BCAS3: variants seen among roughly 807,000 people sequenced by gnomAD.
The protein encoded by BCAS3 is BCAS3 microtubule associated cell migration factor.
A neutral mutation model predicts 116.1 loss-of-function variants in BCAS3; 53 were observed. The ratio of observed to expected loss-of-function variants is 0.46; its 90% CI spans 0.37 to 0.57. The LOEUF (loss-of-function observed/expected upper bound fraction) is 0.57. BCAS3 is among the 20% of genes least tolerant of loss of function. BCAS3 has a pLI of 0.00. For missense variants in BCAS3, 917 were observed against 1,165.4 expected, an observed-to-expected ratio of 0.79 and a Z score of 3.10; for synonymous variants, 391 against 408.2, an observed-to-expected ratio of 0.96 and a Z score of 0.51.
chr17:61,329,563 G>A (rs1241845987), intron 22 of BCAS3, among the ~76,000 whole-genome samples: 1 of 151,384 alleles, frequency 6.6e-6, no homozygotes, highest in Non-Finnish European at 1.5e-5. Context: ...GGATGGTCTC[G>A]ATCTCCTGAT....
At position 61,361,315 on chromosome 17, in the gene BCAS3, A is replaced by AT. The variant is rs148243820; in HGVS notation, c.2426-7010dup. ...CTATGTTCTAAGCTTTAAAGTGTGC[A>AT]TTATGCAATTGCATATTTTGCAGTT... On this transcript the variant is annotated intron_variant, in intron 22 of 23. Transcript: ENST00000407086. This position sits in a 1 kb window ranked among gnomAD's most constrained non-coding sequence, Gnocchi z 6.5. Among the ~76,000 whole-genome samples, 2,248 of 152,280 alleles carry AT rather than the reference A, an allele frequency of 0.015. 57 individuals are homozygous for AT. The highest frequency in any genetic ancestry group is 0.051 in the African/African-American group (2,114 of 41,554).
At chr17:61,074,793 G>T in intron 19 of BCAS3, 127 bp from the exon 20 acceptor site, 1 of 462,856 alleles carries the variant, frequency 2.2e-6, no homozygotes, top group Non-Finnish European at 3.8e-6. Context: ...TGTTTGAATT[G>T]CCTTTTTGCT....
chr17:60,716,885 T>C (rs2038675704), intron 5 of BCAS3, among the ~76,000 whole-genome samples: 1 of 152,218 alleles, frequency 6.6e-6, no homozygotes, highest in African/African-American at 2.4e-5. Flanking sequence ...CAAAGATTTA[T>C]TAATTGTCTA....
intron 22 of BCAS3, among the ~76,000 whole-genome samples, chr17:61,184,743 T>A (rs1409407142): frequency 2.0e-5 from 3 of 152,180 alleles, no homozygotes; most frequent in African/African-American, 7.2e-5. Flanking sequence ...AGACAAATCA[T>A]GTTACCTCCC....
intron 6 of BCAS3, among the ~76,000 whole-genome samples, chr17:60,776,956 G>A (rs181364244): frequency 4.0e-5 from 6 of 150,428 alleles, no homozygotes; most frequent in Non-Finnish European, 5.9e-5. Context: ...CGGAGGTTGC[G>A]GTGAGCTGAG....
rs1002483586 is a variant in BCAS3, at chr17:61,131,257, G to A, written c.2425+46693G>A. On this transcript the variant is annotated intron_variant, in intron 22 of 23. Transcript: ENST00000407086. This position sits in a 1 kb window ranked among gnomAD's most constrained non-coding sequence, Gnocchi z 4.4. ...AAGTAAAATAACAAAAATAACACTC[G>A]TATCATAGACATTAGAGAGTTCTTA... is the stretch of plus-strand genomic sequence containing the variant. Among the ~76,000 whole-genome samples the A allele has an allele frequency of 3.3e-5, 5 of 152,018 alleles. No individual in the cohort carries two copies. Among genetic ancestry groups the A allele is most frequent in the African/African-American group, 9.7e-5 (4 of 41,388 alleles).
intron 6 of BCAS3, among the ~76,000 whole-genome samples, chr17:60,767,187 C>T (rs1314408896): frequency 1.3e-5 from 2 of 152,278 alleles, no homozygotes; most frequent in Admixed American, 1.3e-4. Flanking sequence ...TCGGCTCGCC[C>T]TCCGTGGGCT....
intron 22 of BCAS3, among the ~76,000 whole-genome samples, chr17:61,163,837 T>C (rs2078313175): frequency 6.6e-6 from 1 of 151,580 alleles, no homozygotes; most frequent in Non-Finnish European, 1.5e-5. Flanking sequence ...AAATACAAAA[T>C]TAGCCAGGCA....
Position 61,244,612 on chromosome 17 carries a change from C to T in BCAS3, c.2426-123715C>T, listed in dbSNP as rs1043972326. Among the ~76,000 whole-genome samples, 3 of 152,032 alleles carry T rather than the reference C, an allele frequency of 2.0e-5. No individual in the cohort carries two copies. Among genetic ancestry groups the T allele is most frequent in the Non-Finnish European group, 2.9e-5 (2 of 68,006 alleles). ...GGCGCGGTGGCTCATGCCTGTAATCCCAGCACTTTGGGAGGCCAAAGCGGG... is the reference window on the plus strand; with the variant it reads ...GGCGCGGTGGCTCATGCCTGTAATCTCAGCACTTTGGGAGGCCAAAGCGGG... On this transcript the variant is annotated intron_variant, in intron 22 of 23. Coordinates refer to ENST00000407086, the MANE Select transcript of BCAS3 (RefSeq NM_017679.5). This position sits in a 1 kb window ranked among gnomAD's most constrained non-coding sequence, Gnocchi z 4.9.
chr17:61,309,973 C>T lies in BCAS3; in HGVS notation c.2426-58354C>T, dbSNP rs1012271115. Among the ~76,000 whole-genome samples, 16 of 152,176 alleles carry T rather than the reference C, an allele frequency of 1.1e-4. No homozygotes were observed. The highest frequency in any genetic ancestry group is 2.6e-4 in the Admixed American group (4 of 15,280). On this transcript the variant is annotated intron_variant, in intron 22 of 23. Transcript: ENST00000407086. The surrounding 1 kb of genome is among the most constrained non-coding windows in gnomAD (Gnocchi z 4.6). ...CCTTTGAAAAACTACAGCATTTAGGCTACCAGGTTGTGTTTCCTTAATAGG... is the reference window on the plus strand; with the variant it reads ...CCTTTGAAAAACTACAGCATTTAGGTTACCAGGTTGTGTTTCCTTAATAGG...
intron 7 of BCAS3, chr17:60,851,570 C>A: frequency 1.6e-6 from 1 of 622,106 alleles, no homozygotes; most frequent in South Asian, 1.7e-5. Context: ...AATTTCTACC[C>A]AAAACTTGGG....
At chr17:60,880,434 G>C (rs571620406) in intron 9 of BCAS3, among the ~76,000 whole-genome samples, 17 of 152,196 alleles carry the variant, frequency 1.1e-4, no homozygotes, top group Admixed American at 4.6e-4. Flanking sequence ...GATTACAGGC[G>C]CATGCCACCA....
chr17:60,870,419 A>G (rs2055001152), intron 8 of BCAS3, among the ~76,000 whole-genome samples: 1 of 152,190 alleles, frequency 6.6e-6, no homozygotes, highest in South Asian at 2.1e-4. Flanking sequence ...TTAAAGCACT[A>G]AGGGATCAAA....
intron 6 of BCAS3, among the ~76,000 whole-genome samples, chr17:60,787,729 G>A (rs919941256): frequency 2.0e-5 from 3 of 152,074 alleles, no homozygotes; most frequent in African/African-American, 7.2e-5. Context: ...TATACAAGTG[G>A]ACTATGCAGA....
rs1231201967 is a variant in BCAS3, at chr17:60,995,892, G to C, written c.1486+5657G>C. 6.6e-6 allele frequency among the ~76,000 whole-genome samples: 1 copy of C among 152,122 alleles called. No individual in the cohort carries two copies. The highest frequency in any genetic ancestry group is 1.5e-5 in the Non-Finnish European group (1 of 68,026). On this transcript the variant is annotated intron_variant, in intron 15 of 23. Transcript: ENST00000407086. This position sits in a 1 kb window ranked among gnomAD's most constrained non-coding sequence, Gnocchi z 4.7. The stretch of plus-strand genomic sequence containing the variant: ...AGGGGAATAGGGAATGCCTAGGGAG[G>C]ATTGCAATTTGAAATTAGTATGCTT...
At chr17:61,272,141 C>T (rs903506591) in intron 22 of BCAS3, among the ~76,000 whole-genome samples, 2 of 152,102 alleles carry the variant, frequency 1.3e-5, no homozygotes, top group Non-Finnish European at 2.9e-5. Context: ...CATCAAATTA[C>T]GTTTTAAAGA....
At chr17:60,915,294 A>T (rs1599654132) in intron 12 of BCAS3, among the ~76,000 whole-genome samples, 1 of 151,932 alleles carries the variant, frequency 6.6e-6, no homozygotes, top group East Asian at 1.9e-4. Flanking sequence ...ACAATGATAC[A>T]CTCTGTTAAC....
At chr17:60,835,732 T>C in intron 7 of BCAS3, among the ~76,000 whole-genome samples, 1 of 152,110 alleles carries the variant, frequency 6.6e-6, no homozygotes. Context: ...TTAAATGAAA[T>C]AGTACTTGTA....
rs1456669379 is a variant in BCAS3, at chr17:61,204,809, T to C, written c.2425+120245T>C. On this transcript the variant is annotated intron_variant, in intron 22 of 23. Transcript: ENST00000407086. The surrounding 1 kb of genome is among the most constrained non-coding windows in gnomAD (Gnocchi z 4.2). The stretch of plus-strand genomic sequence containing the variant: ...GCTCATGTCTGTAATCCAAGCACTT[T>C]AGGAGGCTGAGGCACGCAGATCAGT... 2.0e-5 allele frequency among the ~76,000 whole-genome samples: 3 copies of C among 152,142 alleles called. No homozygotes were observed. Among genetic ancestry groups the C allele is most frequent in the Non-Finnish European group, 4.4e-5 (3 of 68,024 alleles).
Sources: gnomAD v4.1 joint callset for allele counts (sites outside exome capture counted in the v4.1 genomes callset) on GRCh38, gnomAD v4.1.1 for gene constraint, Gnocchi (gnomAD v3.1) non-coding constraint, MANE v1.5 for transcripts, NCBI Gene and HGNC (gene_info 2026-07-23, HGNC 2026-07-21) for gene names.